The following DAB1 variants were observed in gnomAD, a reference collection of about 807,000 sequenced individuals.
DAB1 encodes disabled homolog 1.
In DAB1, 15 loss-of-function variants were observed where a neutral mutation model predicts 64.6. That is an observed-to-expected ratio of 0.23 (90% CI 0.16 to 0.36). The LOEUF (loss-of-function observed/expected upper bound fraction) is 0.36. DAB1 is among the 10% of genes least tolerant of loss of function. DAB1 has a pLI of 1.00. For synonymous variants in DAB1, 235 were observed against 251.9 expected, an observed-to-expected ratio of 0.93 and a Z score of 0.64; for missense variants, 596 against 706.7, an observed-to-expected ratio of 0.84 and a Z score of 1.78.
chr1:57,336,374 G>A (rs1677078634), intron 1 of DAB1, among the ~76,000 whole-genome samples: 1 of 152,162 alleles, frequency 6.6e-6, no homozygotes, highest in African/African-American at 2.4e-5. Flanking sequence ...ACATTGTTGG[G>A]CAATTTAGGC....
chr1:57,556,185 G>T (rs1644986233), intron 7 of DAB1, among the ~76,000 whole-genome samples: 1 of 152,114 alleles, frequency 6.6e-6, no homozygotes, highest in South Asian at 2.1e-4. Context: ...TGATTGATGG[G>T]CATTTGTGTT....
At chr1:57,559,007 A>C (rs2265795) in intron 7 of DAB1, among the ~76,000 whole-genome samples, 133,565 of 152,206 alleles carry the variant, frequency 0.88, 60,224 homozygotes, top group East Asian at 1. Flanking sequence ...GTGGGAACCA[A>C]AGTAACTCAG....
At chr1:58,019,720 A>G (rs761605546) in intron 5 of DAB1, among the ~76,000 whole-genome samples, 1 of 152,188 alleles carries the variant, frequency 6.6e-6, no homozygotes, top group Admixed American at 6.5e-5. Flanking sequence ...TTTTCTTACT[A>G]TATTACTTTT....
chr1:58,429,506 C>T (rs1644849731), intron 3 of DAB1, among the ~76,000 whole-genome samples: 1 of 152,204 alleles, frequency 6.6e-6, no homozygotes, highest in Admixed American at 6.5e-5. Context: ...AGGCCTTTCC[C>T]TGTGTCAGAG....
chr1:57,627,293 T>G (rs1325374933), intron 7 of DAB1, among the ~76,000 whole-genome samples: 4 of 152,198 alleles, frequency 2.6e-5, no homozygotes, highest in Non-Finnish European at 5.9e-5. Flanking sequence ...GGCTTTTCTT[T>G]GCAGGTGGCA....
At chr1:57,067,780 G>A (rs984371666) in intron 8 of DAB1, among the ~76,000 whole-genome samples, 1 of 152,154 alleles carries the variant, frequency 6.6e-6, no homozygotes, top group African/African-American at 2.4e-5. Context: ...TAATGGCTGA[G>A]TTGATACTTG....
chr1:58,162,686 A>G (rs1324066767), intron 4 of DAB1, among the ~76,000 whole-genome samples: 1 of 152,214 alleles, frequency 6.6e-6, no homozygotes, highest in East Asian at 1.9e-4. Flanking sequence ...GTCAATGAAT[A>G]TGGATGTAAG....
chr1:58,282,513 A>C (rs1461351877), intron 4 of DAB1, among the ~76,000 whole-genome samples: 2 of 152,102 alleles, frequency 1.3e-5, no homozygotes, highest in Non-Finnish European at 2.9e-5. Flanking sequence ...TTTTATTTGA[A>C]ATTATTTTAA....
chr1:57,111,486 G>A (rs1282402299), intron 4 of DAB1, among the ~76,000 whole-genome samples: 1 of 152,146 alleles, frequency 6.6e-6, no homozygotes, highest in Non-Finnish European at 1.5e-5. Flanking sequence ...ATTTCTGCCT[G>A]TGTGTACAAG....
intron 2 of DAB1, among the ~76,000 whole-genome samples, chr1:58,525,541 T>C (rs951933007): frequency 6.6e-6 from 1 of 151,958 alleles, no homozygotes; most frequent in African/African-American, 2.4e-5. Flanking sequence ...TACAAAAAAA[T>C]TTCAAAACAT....
intron 6 of DAB1, among the ~76,000 whole-genome samples, chr1:57,769,466 A>G (rs2101828433): frequency 6.6e-6 from 1 of 152,298 alleles, no homozygotes; most frequent in Middle Eastern, 3.4e-3. Context: ...GGGGAAAACT[A>G]ATCAAACATG....
intron 6 of DAB1, among the ~76,000 whole-genome samples, chr1:57,676,867 C>G (rs1005370219): frequency 6.6e-6 from 1 of 152,170 alleles, no homozygotes; most frequent in African/African-American, 2.4e-5. Context: ...TTCTCTAAAG[C>G]TTTTCTGATT....
chr1:58,421,982 G>T (rs150285682), intron 3 of DAB1, among the ~76,000 whole-genome samples: 43 of 150,550 alleles, frequency 2.9e-4, no homozygotes, highest in African/African-American at 1.0e-3. Flanking sequence ...CTCTTTGGGT[G>T]CTATTAAGTA....
At chr1:57,291,385 A>G (rs1455632141) in intron 1 of DAB1, among the ~76,000 whole-genome samples, 2 of 152,152 alleles carry the variant, frequency 1.3e-5, no homozygotes, top group African/African-American at 4.8e-5. Context: ...CTCAAAATAG[A>G]TCTTTAAAAG....
intron 4 of DAB1, among the ~76,000 whole-genome samples, chr1:58,224,655 C>A (rs1356644531): frequency 2.0e-5 from 3 of 152,012 alleles, no homozygotes; most frequent in African/African-American, 7.2e-5. Flanking sequence ...ACAGGAACCT[C>A]AAAAAGGGGG....
intron 3 of DAB1, among the ~76,000 whole-genome samples, chr1:58,437,768 T>C (rs547049299): frequency 6.6e-6 from 1 of 152,148 alleles, no homozygotes; most frequent in East Asian, 1.9e-4. Context: ...CCCTAACACA[T>C]CCTTTGAGGA....
intron 3 of DAB1, among the ~76,000 whole-genome samples, chr1:58,426,692 A>G (rs1477737518): frequency 6.6e-6 from 1 of 152,180 alleles, no homozygotes; most frequent in Non-Finnish European, 1.5e-5. Flanking sequence ...AGAAACAGAC[A>G]CCTTCTTGTA....
intron 4 of DAB1, among the ~76,000 whole-genome samples, chr1:58,256,716 G>A (rs573914899): frequency 6.6e-6 from 1 of 151,272 alleles, no homozygotes; most frequent in East Asian, 1.9e-4. Context: ...GCTTTTTATT[G>A]TTCATCTCCA....
intron 7 of DAB1, among the ~76,000 whole-genome samples, chr1:57,583,985 C>G (rs927601538): frequency 6.6e-5 from 10 of 152,166 alleles, no homozygotes; most frequent in Non-Finnish European, 1.3e-4. Flanking sequence ...GAGAAGGACT[C>G]CGTACTTCTC....
Sources: gnomAD v4.1 joint callset for allele counts (sites outside exome capture counted in the v4.1 genomes callset) on GRCh38, gnomAD v4.1.1 for gene constraint, MANE v1.5 for transcripts, NCBI Gene and HGNC (gene_info 2026-07-23, HGNC 2026-07-21) for gene names.